The following NCOA7 variants were observed in gnomAD, a reference collection of about 807,000 sequenced individuals.
NCOA7 encodes nuclear receptor coactivator 7, also known as 140 kDa estrogen receptor-associated protein.
A neutral mutation model predicts 104.3 loss-of-function variants in NCOA7; 45 were observed. The observed-to-expected ratio is 0.43, with a 90% CI of 0.34 to 0.55. The LOEUF (loss-of-function observed/expected upper bound fraction) is 0.55. NCOA7 is among the 20% of genes least tolerant of loss of function. NCOA7 has a pLI of 0.02. For missense variants in NCOA7, 1,041 were observed against 1,119.7 expected, an observed-to-expected ratio of 0.93 and a Z score of 1.00; for synonymous variants, 398 against 402.3, an observed-to-expected ratio of 0.99 and a Z score of 0.13.
chr6:125,822,442 A>G (rs1223435202), intron 2 of NCOA7, among the ~76,000 whole-genome samples: 1 of 152,214 alleles, frequency 6.6e-6, no homozygotes, highest in African/African-American at 2.4e-5. Context: ...TGATCCTACA[A>G]ATAAATATAA....
In NCOA7 at chr6:125,905,072, T is replaced by C. The variant is rs577705824; in HGVS notation, c.2097-10261T>C. On this transcript the variant is annotated intron_variant, in intron 10 of 15. Transcript: ENST00000392477. ...AGCCCTGCTTAGTGTCCTGAGGTAG[T>C]GGAAGCCCAGAGAAGCTCAGTGGTT... 5.3e-5 allele frequency among the ~76,000 whole-genome samples: 8 copies of C among 152,232 alleles called. No homozygotes were observed. In the East Asian group the frequency reaches 1.5e-3, roughly 29 times the overall value.
rs543364532 is a variant in NCOA7 at position 125,885,340 on chromosome 6, C to T, written c.881C>T (p.Pro294Leu). 1.9e-6 allele frequency: 3 copies of T among 1,612,292 alleles called. No individual in the cohort carries two copies. Among genetic ancestry groups the T allele is most frequent in the African/African-American group, 1.3e-5 (1 of 74,984 alleles). The stretch of plus-strand genomic sequence containing the variant: ...CACATGAAGATCAAAGATGCCTTGC[C>T]ATCGTAAGACATTTATTTGTTTACC... ...ISHMKIKDAL[P>L]SDLPQDLCPL... Residue 294 changes from proline (P) to leucine (L), a missense_variant, in exon 8 of 16, where the codon CCA becomes CTA. Transcript: ENST00000392477.
At chr6:125,843,957 C>T (rs1780376170) in intron 2 of NCOA7, among the ~76,000 whole-genome samples, 1 of 152,188 alleles carries the variant, frequency 6.6e-6, no homozygotes, top group South Asian at 2.1e-4. Context: ...GATCCTGGTA[C>T]TGGGGGATGC....
intron 2 of NCOA7, among the ~76,000 whole-genome samples, chr6:125,834,247 A>G (rs1779425738): frequency 6.6e-6 from 1 of 152,218 alleles, no homozygotes; most frequent in Non-Finnish European, 1.5e-5. Flanking sequence ...AGAGAAAACT[A>G]AAGTGACTTT....
In NCOA7 at chr6:125,891,771, T is replaced by C. The variant is rs78312623; in HGVS notation, c.2096+961T>C. On this transcript the variant is annotated intron_variant, in intron 10 of 15. Transcript: ENST00000392477. ...AATTATAGTTTAATGTGAAAAATAA[T>C]AGGCTTTTTATTAATGAATTTGCTA... Among the ~76,000 whole-genome samples the C allele has an allele frequency of 4.5e-3, 678 of 152,272 alleles. 5 individuals are homozygous for C. Among genetic ancestry groups the C allele is most frequent in the African/African-American group, 0.016 (649 of 41,550 alleles).
At chr6:125,874,849 G>T (rs1180135342) in intron 3 of NCOA7, 40 bp from the exon 4 acceptor site, 7 of 1,538,436 alleles carry the variant, frequency 4.6e-6, no homozygotes, top group Non-Finnish European at 6.3e-6. Context: ...TTCAGTCCCT[G>T]AAAATGAAAT....
chr6:125,899,415 T>G (rs1185877725), intron 10 of NCOA7, among the ~76,000 whole-genome samples: 1 of 152,196 alleles, frequency 6.6e-6, no homozygotes, highest in African/African-American at 2.4e-5. Context: ...TCTTGAACAT[T>G]TTTTAGTACT....
chr6:125,841,014 T>G (rs1193604015), intron 2 of NCOA7, among the ~76,000 whole-genome samples: 1 of 150,308 alleles, frequency 6.7e-6, no homozygotes, highest in Non-Finnish European at 1.5e-5. Context: ...TGCCTGAGCC[T>G]CCCGAGTAGC....
At chr6:125,813,469 T>TA (rs1777259197) in intron 1 of NCOA7, among the ~76,000 whole-genome samples, 2 of 150,504 alleles carry the variant, frequency 1.3e-5, no homozygotes, top group Non-Finnish European at 3.0e-5. Context: ...TTTTTTTTTT[T>TA]AGACGGAGTT....
intron 2 of NCOA7, among the ~76,000 whole-genome samples, chr6:125,845,721 C>G (rs6922416): frequency 2.0e-5 from 3 of 151,974 alleles, no homozygotes; most frequent in Non-Finnish European, 2.9e-5. Context: ...GAGCCAAGAT[C>G]GCGCCACTGC....
intron 3 of NCOA7, among the ~76,000 whole-genome samples, chr6:125,871,918 G>A (rs962598958): frequency 6.6e-6 from 1 of 150,768 alleles, no homozygotes. Context: ...GATTGCTTGA[G>A]TCTGGGAAGT....
At chr6:125,835,348 A>G (rs931154873) in intron 2 of NCOA7, among the ~76,000 whole-genome samples, 2 of 152,074 alleles carry the variant, frequency 1.3e-5, no homozygotes. Context: ...TCCCCTTTCT[A>G]GGTCAAGTAA....
At chr6:125,832,071 G>A (rs908849989) in intron 2 of NCOA7, among the ~76,000 whole-genome samples, 4 of 152,238 alleles carry the variant, frequency 2.6e-5, no homozygotes, top group East Asian at 1.9e-4. Context: ...GCTTGTTTGC[G>A]TCAATTCTTT....
Position 125,867,589 on chromosome 6 carries a change from C to G in NCOA7, c.272-7300C>G, listed in dbSNP as rs532119457. Among the ~76,000 whole-genome samples, 10 of 152,258 alleles carry G rather than the reference C, an allele frequency of 6.6e-5. No homozygotes were observed. The East Asian group carries it at 1.9e-3, about 29-fold the overall frequency. On this transcript the variant is annotated intron_variant, in intron 3 of 15. Coordinates refer to ENST00000392477, the MANE Select transcript of NCOA7 (RefSeq NM_181782.5). The stretch of plus-strand genomic sequence containing the variant: ...GCCTCTGATGAATGGCAGGGATTCC[C>G]TCTTTATCCTGGAGTTTCCATTATG...
chr6:125,801,300 GA>G (rs953448213), intron 1 of NCOA7, among the ~76,000 whole-genome samples: 7 of 152,294 alleles, frequency 4.6e-5, no homozygotes, highest in Admixed American at 3.9e-4. Flanking sequence ...TGGATGAACA[GA>G]AAGCTCATCG....
At chr6:125,881,978 T>A (rs569131240) in intron 6 of NCOA7, among the ~76,000 whole-genome samples, 1 of 152,228 alleles carries the variant, frequency 6.6e-6, no homozygotes, top group Admixed American at 6.5e-5. Flanking sequence ...CTCAGCCTCC[T>A]AAGTAGCTGG....
chr6:125,882,811 T>A (rs1055647605), intron 7 of NCOA7, among the ~76,000 whole-genome samples: 4 of 152,284 alleles, frequency 2.6e-5, no homozygotes, highest in African/African-American at 9.6e-5. Context: ...TATGAATTGT[T>A]AGGGAGACAA....
At position 125,874,986 on chromosome 6, in the gene NCOA7, G is replaced by T. The variant is rs1433558719; in HGVS notation, c.351+18G>T. On this transcript the variant is annotated intron_variant, in intron 4 of 15. Coordinates refer to ENST00000392477, the MANE Select transcript of NCOA7 (RefSeq NM_181782.5). The stretch of plus-strand genomic sequence containing the variant: ...AATACACTGTGAGTATAACCAAGGT[G>T]GTATAAATGTTTGTTAATAGCACTA... 3 of 1,585,580 alleles carry T rather than the reference G, an allele frequency of 1.9e-6. No homozygotes were observed. The highest frequency in any genetic ancestry group is 1.3e-5 in the African/African-American group (1 of 74,230).
chr6:125,872,363 C>T (rs770600261), intron 3 of NCOA7, among the ~76,000 whole-genome samples: 5 of 152,148 alleles, frequency 3.3e-5, no homozygotes, highest in African/African-American at 9.7e-5. Context: ...TATGGAAGGG[C>T]GTTGGCCAGA....
Sources: gnomAD v4.1 joint callset for allele counts (sites outside exome capture counted in the v4.1 genomes callset) on GRCh38, gnomAD v4.1.1 for gene constraint, MANE v1.5 for transcripts, NCBI Gene and HGNC (gene_info 2026-07-23, HGNC 2026-07-21) for gene names.